FKBP5: variants seen among roughly 807,000 people sequenced by gnomAD.
The protein encoded by FKBP5 is FKBP prolyl isomerase 5.
In FKBP5, 23 loss-of-function variants were observed where a neutral mutation model predicts 50.5. That is an observed-to-expected ratio of 0.46 (90% CI 0.33 to 0.65). The LOEUF is 0.65. Ranked by LOEUF, FKBP5 falls within the 30% of genes least tolerant of loss-of-function variation. FKBP5 has a pLI of 0.02. For synonymous variants in FKBP5, 176 were observed against 190.6 expected (o/e 0.92, Z 0.63); for missense variants, 411 against 553.1 (o/e 0.74, Z 2.58).
At chr6:35,692,790 C>CA (rs71002588), upstream of FKBP5, among the ~76,000 whole-genome samples, 66,590 of 105,568 alleles carry the variant, frequency 0.63, 19,395 homozygotes, top group East Asian at 0.67. Flanking sequence ...GACTCTGTCT[C>CA]AAAAAAAAAA....
chr6:35,626,964 CCTG>C (rs1764019397), intron 3 of FKBP5, among the ~76,000 whole-genome samples: 1 of 152,122 alleles, frequency 6.6e-6, no homozygotes, highest in Non-Finnish European at 1.5e-5. Context: ...TCTTCAAGAC[CCTG>C]CTTTCAATTC....
At chr6:35,645,560 G>A (rs966338783) in intron 1 of FKBP5, among the ~76,000 whole-genome samples, 1 of 152,120 alleles carries the variant, frequency 6.6e-6, no homozygotes, top group South Asian at 2.1e-4. Context: ...CTGGATTAGG[G>A]GACAAAATAT....
Position 35,727,261 on chromosome 6 carries a change from C to T in FKBP5, c.-241+1247G>A, listed in dbSNP as rs564928626. Among the ~76,000 whole-genome samples, 18 of 152,300 alleles carry T rather than the reference C, an allele frequency of 1.2e-4. No homozygotes were observed. In the South Asian group the frequency reaches 1.5e-3, roughly 12 times the overall value. The stretch of plus-strand genomic sequence containing the variant: ...AAACGTGCGATATAAATGCTTTGTT[C>T]CCTCCTTGGTTTGGAGAGGGTGGGA... On this transcript the variant is annotated intron_variant, in intron 1 of 11. Coordinates refer to the FKBP5 transcript ENST00000536438.
At chr6:35,630,974 G>GTT (rs1764136061) in intron 3 of FKBP5, among the ~76,000 whole-genome samples, 2 of 152,188 alleles carry the variant, frequency 1.3e-5, no homozygotes, top group African/African-American at 2.4e-5. Flanking sequence ...AACAACTGAT[G>GTT]TTTTAAAATG....
At chr6:35,688,620 C>G (rs1482386011) in intron 1 of FKBP5, 184 bp downstream of exon 1, 1 of 150,820 alleles carries the variant, frequency 6.6e-6, no homozygotes, top group Non-Finnish European at 1.5e-5. Flanking sequence ...CGAGGCCTCC[C>G]GCGCGCTCCC....
At chr6:35,603,342 C>A (rs1763204157) in intron 5 of FKBP5, among the ~76,000 whole-genome samples, 3 of 152,180 alleles carry the variant, frequency 2.0e-5, no homozygotes, top group South Asian at 2.1e-4. Context: ...ACACAGAAAG[C>A]TGTCAAAGTA....
intron 5 of FKBP5, among the ~76,000 whole-genome samples, chr6:35,615,155 TAC>T (rs34301531): frequency 0.013 from 1,901 of 143,466 alleles, 25 homozygotes; most frequent in African/African-American, 0.028. Flanking sequence ...CAACAACAAC[TAC>T]ACACACACAC....
chr6:35,606,634 T>TG (rs931068815), intron 5 of FKBP5, among the ~76,000 whole-genome samples: 2 of 107,966 alleles, frequency 1.9e-5, no homozygotes, highest in Non-Finnish European at 3.4e-5. Context: ...CACTCCAGCC[T>TG]GGGCAACAGA....
chr6:35,610,057 T>A (rs1459442137), intron 5 of FKBP5, among the ~76,000 whole-genome samples: 2 of 152,182 alleles, frequency 1.3e-5, no homozygotes, highest in Non-Finnish European at 2.9e-5. Flanking sequence ...ACCATTTTTC[T>A]AAGCAGTTGG....
At chr6:35,608,873 C>CT (rs1449427361) in intron 5 of FKBP5, among the ~76,000 whole-genome samples, 1 of 152,162 alleles carries the variant, frequency 6.6e-6, no homozygotes, top group Non-Finnish European at 1.5e-5. Context: ...TCTTGGCTCA[C>CT]TGCCACCTCT....
At chr6:35,654,910 G>C (rs1049740052) in intron 1 of FKBP5, among the ~76,000 whole-genome samples, 2 of 152,176 alleles carry the variant, frequency 1.3e-5, no homozygotes, top group Admixed American at 6.5e-5. Context: ...GCAGCAGCTG[G>C]GTCCAGTGCC....
intron 2 of FKBP5, among the ~76,000 whole-genome samples, chr6:35,713,998 G>A (rs1428715883): frequency 6.6e-6 from 1 of 151,992 alleles, no homozygotes; most frequent in Non-Finnish European, 1.5e-5. Context: ...CATCCACTGA[G>A]ATGTGAGGCT....
At chr6:35,592,067 C>T (rs1282628068) in intron 6 of FKBP5, among the ~76,000 whole-genome samples, 1 of 152,112 alleles carries the variant, frequency 6.6e-6, no homozygotes, top group Non-Finnish European at 1.5e-5. Flanking sequence ...CACCTGTTTC[C>T]CAGTGTTTGT....
At chr6:35,643,123 A>G (rs1169993001) in intron 1 of FKBP5, among the ~76,000 whole-genome samples, 1 of 152,204 alleles carries the variant, frequency 6.6e-6, no homozygotes, top group African/African-American at 2.4e-5. Flanking sequence ...TTAACATAAC[A>G]TGGTGAGAAG....
chr6:35,583,945 A>T, intron 8 of FKBP5: 1 of 985,428 alleles, frequency 1.0e-6, no homozygotes, highest in African/African-American at 1.7e-5. Context: ...AGGTTGAACA[A>T]TTCTCCTCAA....
intron 2 of FKBP5, among the ~76,000 whole-genome samples, chr6:35,716,873 C>G (rs563985823): frequency 3.5e-4 from 54 of 152,324 alleles, no homozygotes; most frequent in African/African-American, 1.3e-3. Flanking sequence ...ATTGAGCCCT[C>G]TTCTAAGACT....
intron 8 of FKBP5, chr6:35,580,751 C>T: frequency 1.9e-6 from 1 of 527,114 alleles, no homozygotes; most frequent in Non-Finnish European, 2.4e-6. Flanking sequence ...CTATGTTGGC[C>T]AGGCTGGTCT....
chr6:35,670,036 C>T (rs1581868837), intron 1 of FKBP5, among the ~76,000 whole-genome samples: 1 of 152,142 alleles, frequency 6.6e-6, no homozygotes, highest in East Asian at 1.9e-4. Context: ...TTTTAATGGT[C>T]TTTGCCTGTT....
chr6:35,598,091 A>C (rs1342290036), intron 5 of FKBP5, among the ~76,000 whole-genome samples: 1 of 152,192 alleles, frequency 6.6e-6, no homozygotes, highest in African/African-American at 2.4e-5. Context: ...CAATTTTGGG[A>C]GGCCTAATTC....
Sources: gnomAD v4.1 joint callset for allele counts (sites outside exome capture counted in the v4.1 genomes callset) on GRCh38, gnomAD v4.1.1 for gene constraint, MANE v1.5 for transcripts, NCBI Gene and HGNC (gene_info 2026-07-23, HGNC 2026-07-21) for gene names.